The following VEGFC variants were observed in gnomAD, a reference collection of about 807,000 sequenced individuals.
VEGFC encodes the protein vascular endothelial growth factor C, also known as FLT4 ligand DHM.
VEGFC carries 12 observed loss-of-function variants against 46.1 expected under a neutral mutation model. The ratio of observed to expected loss-of-function variants is 0.26; its 90% confidence interval spans 0.17 to 0.42. The LOEUF is 0.42. Ranked by LOEUF, VEGFC falls within the 10% of genes least tolerant of loss-of-function variation. The probability of loss-of-function intolerance (pLI) is 1.00; values close to 1 mark genes in which losing one functional copy is unlikely to be tolerated. For synonymous variants in VEGFC, 232 were observed against 195.5 expected (o/e 1.19, Z -1.56); for missense variants, 488 against 529.4 (o/e 0.92, Z 0.77).
Position 176,792,251 on chromosome 4 carries a change from C to T in VEGFC, c.61G>A (p.Gly21Ser). The part of the protein sequence containing the change: ...CSLLAAALLP[G>S]PREAPAAAAA... ...GCGGCGGCGGGCGCCTCGCGAGGACCCGGGAGCAGCGCAGCGGCGAGCAGA... is the reference window on the plus strand; with the variant it reads ...GCGGCGGCGGGCGCCTCGCGAGGACTCGGGAGCAGCGCAGCGGCGAGCAGA... The change falls in exon 1 of 7, where the codon GGT becomes AGT. Residue 21 changes from glycine to serine, a missense_variant. By Grantham distance (56) the Gly-to-Ser change is moderately conservative. Coordinates refer to ENST00000618562, the MANE Select transcript of VEGFC (RefSeq NM_005429.5). This position sits in a 1 kb window ranked among gnomAD's most constrained non-coding sequence, Gnocchi z 6.3. The T allele has an allele frequency of 6.4e-7, 1 of 1,557,228 alleles. No homozygotes were observed. The highest frequency in any genetic ancestry group is 8.7e-7 in the Non-Finnish European group (1 of 1,154,370).
chr4:176,729,254 T>C (rs1055022668), intron 2 of VEGFC, among the ~76,000 whole-genome samples: 2 of 152,202 alleles, frequency 1.3e-5, no homozygotes, highest in Admixed American at 1.3e-4. Context: ...ATGTAAAATA[T>C]AGCCATCTGT....
At chr4:176,691,135 G>C (rs1054165738) in intron 4 of VEGFC, among the ~76,000 whole-genome samples, 1 of 152,150 alleles carries the variant, frequency 6.6e-6, no homozygotes, top group African/African-American at 2.4e-5. Flanking sequence ...TGGGCAGGGG[G>C]TCAACATTTC....
intron 1 of VEGFC, among the ~76,000 whole-genome samples, chr4:176,771,062 T>C (rs990366322): frequency 2.6e-5 from 4 of 151,802 alleles, no homozygotes; most frequent in Admixed American, 1.3e-4. Context: ...AATCAAAGCT[T>C]GAAATAAAAT....
chr4:176,750,745 C>T (rs1186724539), intron 1 of VEGFC, among the ~76,000 whole-genome samples: 1 of 151,726 alleles, frequency 6.6e-6, no homozygotes, highest in Non-Finnish European at 1.5e-5. Context: ...AAACTGACCA[C>T]CAGCTGGGTT....
chr4:176,737,538 G>C (rs928052512), intron 1 of VEGFC, among the ~76,000 whole-genome samples: 7 of 150,572 alleles, frequency 4.6e-5, no homozygotes, highest in Non-Finnish European at 3.0e-5. Flanking sequence ...AAAATAAAAA[G>C]TTTGAAAAGA....
chr4:176,759,966 T>C (rs1423090367), intron 1 of VEGFC, among the ~76,000 whole-genome samples: 2 of 151,972 alleles, frequency 1.3e-5, no homozygotes, highest in African/African-American at 4.8e-5. Context: ...AGAGAAAATA[T>C]GTAAAGAAAT....
intron 1 of VEGFC, among the ~76,000 whole-genome samples, chr4:176,785,888 C>T (rs752828185): frequency 6.6e-6 from 1 of 152,102 alleles, no homozygotes; most frequent in Admixed American, 6.6e-5. Flanking sequence ...CTGCTTGCTT[C>T]GTTTGGAATG....
chr4:176,776,590 G>A lies in VEGFC; in HGVS notation c.147+15575C>T, dbSNP rs148189695. Among the ~76,000 whole-genome samples, 511 of 152,290 alleles carry A rather than the reference G, an allele frequency of 3.4e-3. 1 individual carries two copies. The highest frequency in any genetic ancestry group is 0.012 in the African/African-American group (479 of 41,562). On this transcript the variant is annotated intron_variant, in intron 1 of 6. Transcript: ENST00000618562. ...CCTATATTTCACAGGTGTGGCCAAG[G>A]CCACCTACAGAAGAGTCGTACAAGA...
chr4:176,763,218 C>G (rs1366813527), intron 1 of VEGFC, among the ~76,000 whole-genome samples: 2 of 152,168 alleles, frequency 1.3e-5, no homozygotes, highest in Non-Finnish European at 2.9e-5. Context: ...TCATCTTCAA[C>G]TAATTCCCAA....
chr4:176,771,584 C>T (rs979454433), intron 1 of VEGFC, among the ~76,000 whole-genome samples: 7 of 152,112 alleles, frequency 4.6e-5, no homozygotes, highest in African/African-American at 1.7e-4. Context: ...TTTTGTATTT[C>T]TTTCTCTGTG....
At chr4:176,719,656 A>G (rs1734750455) in intron 3 of VEGFC, among the ~76,000 whole-genome samples, 1 of 152,180 alleles carries the variant, frequency 6.6e-6, no homozygotes, top group Non-Finnish European at 1.5e-5. Flanking sequence ...TCCATAGGGC[A>G]GGATCTATCC....
At chr4:176,734,518 C>T (rs977494112) in intron 1 of VEGFC, among the ~76,000 whole-genome samples, 1 of 151,692 alleles carries the variant, frequency 6.6e-6, no homozygotes, top group Non-Finnish European at 1.5e-5. Flanking sequence ...AAGAAATATA[C>T]GCGAGAATTT....
chr4:176,705,532 GATTTTA>G (rs1246630700), intron 4 of VEGFC, among the ~76,000 whole-genome samples: 1 of 152,040 alleles, frequency 6.6e-6, no homozygotes, highest in African/African-American at 2.4e-5. Context: ...GAAATAAAAT[GATTTTA>G]ATTTTTATAT....
Position 176,689,931 on chromosome 4 carries a change from T to C in VEGFC, c.705-2004A>G, listed in dbSNP as rs540993526. On this transcript the variant is annotated intron_variant, in intron 4 of 6. Transcript: ENST00000618562. ...AGGCATTATTAGGTATCAATTATTT[T>C]GTAGGAAATAGCTATGTTTTGGTTT... 2.0e-5 allele frequency among the ~76,000 whole-genome samples: 3 copies of C among 152,344 alleles called. No individual in the cohort carries two copies. In the East Asian group the frequency reaches 5.8e-4, roughly 29 times the overall value.
At chr4:176,742,385 G>A (rs778152475) in intron 1 of VEGFC, among the ~76,000 whole-genome samples, 91 of 151,896 alleles carry the variant, frequency 6.0e-4, no homozygotes, top group Non-Finnish European at 1.0e-3. Context: ...ATAGTGCTGC[G>A]ATAAACATGA....
At chr4:176,705,742 T>C (rs1452722537) in intron 4 of VEGFC, among the ~76,000 whole-genome samples, 1 of 152,148 alleles carries the variant, frequency 6.6e-6, no homozygotes, top group Admixed American at 6.6e-5. Flanking sequence ...TTAGGAGTTA[T>C]TATTATTATA....
chr4:176,691,155 T>G (rs3775201), intron 4 of VEGFC, among the ~76,000 whole-genome samples: 114,527 of 151,992 alleles, frequency 0.75, 43,413 homozygotes, highest in East Asian at 0.95. Context: ...CCAAAATATT[T>G]TTATTTTAGA....
intron 3 of VEGFC, among the ~76,000 whole-genome samples, chr4:176,714,161 G>A (rs1044769266): frequency 3.9e-5 from 6 of 152,226 alleles, no homozygotes; most frequent in African/African-American, 1.4e-4. Context: ...CCCAATGTTA[G>A]AGGTGGGAGC....
intron 1 of VEGFC, among the ~76,000 whole-genome samples, chr4:176,791,310 C>G (rs1327848703): frequency 6.6e-6 from 1 of 152,072 alleles, no homozygotes; most frequent in African/African-American, 2.4e-5. Context: ...ATGGTTATGG[C>G]AGGTATGAAC....
Sources: gnomAD v4.1 joint callset for allele counts (sites outside exome capture counted in the v4.1 genomes callset) on GRCh38, gnomAD v4.1.1 for gene constraint, Gnocchi (gnomAD v3.1) non-coding constraint, MANE v1.5 for transcripts, NCBI Gene and HGNC (gene_info 2026-07-23, HGNC 2026-07-21) for gene names.